Variants in CNTNAP5 observed in about 807,000 individuals in gnomAD.
CNTNAP5 encodes the protein contactin associated protein family member 5, also known as contactin-associated protein-like 5.
A neutral mutation model predicts 150.2 loss-of-function variants in CNTNAP5; 72 were observed. The ratio of observed to expected loss-of-function variants is 0.48; its 90% CI spans 0.40 to 0.58. The LOEUF (loss-of-function observed/expected upper bound fraction) is 0.58. Among genes scored for constraint, CNTNAP5 ranks in the 20% least tolerant of loss-of-function variants. The probability of loss-of-function intolerance (pLI) is 0.00; values close to 1 mark genes in which losing one functional copy is unlikely to be tolerated. For missense variants in CNTNAP5, 1,636 were observed against 1,626.2 expected (o/e 1.01, Z -0.10); for synonymous variants, 672 against 619.8 (o/e 1.08, Z -1.25).
intron 3 of CNTNAP5, among the ~76,000 whole-genome samples, chr2:124,392,546 G>T (rs894740869): frequency 6.6e-6 from 1 of 152,058 alleles, no homozygotes; most frequent in Non-Finnish European, 1.5e-5. Context: ...AAGAAGTAAA[G>T]CCATATTGAA....
At chr2:124,768,299 G>A (rs911362284) in intron 16 of CNTNAP5, among the ~76,000 whole-genome samples, 3 of 148,106 alleles carry the variant, frequency 2.0e-5, no homozygotes, top group South Asian at 2.1e-4. Context: ...GTGTGTGTGT[G>A]TGTGTGTGTG....
chr2:124,772,945 C>A lies in CNTNAP5; in HGVS notation c.2680C>A (p.Leu894Ile), dbSNP rs1255951986. 3 of 1,613,622 alleles carry A rather than the reference C, an allele frequency of 1.9e-6. No individual in the cohort carries two copies. In the African/African-American group the frequency reaches 4.0e-5, roughly 22 times the overall value. The change falls in exon 17 of 24, where the codon CTT (leucine) becomes ATT (isoleucine). Residue 894 changes from leucine (L) to isoleucine (I), a missense_variant. Leu to Ile is a conservative substitution (Grantham distance 5). Coordinates refer to ENST00000682447, the MANE Select transcript of CNTNAP5 (RefSeq NM_001367498.1). ...LKETSLQVDN[L>I]PRSTRETSEE... ...GGAGACCTCCCTGCAGGTGGACAAC[C>A]TTCCAAGGAGCACCAGGGAGACGTC...
At chr2:124,722,909 TTC>T (rs1424284501) in intron 13 of CNTNAP5, among the ~76,000 whole-genome samples, 1 of 152,164 alleles carries the variant, frequency 6.6e-6, no homozygotes, top group East Asian at 1.9e-4. Context: ...TCCTATTGTC[TTC>T]TCTCTGTCAC....
At chr2:124,284,209 A>G (rs1688088742) in intron 3 of CNTNAP5, among the ~76,000 whole-genome samples, 1 of 152,172 alleles carries the variant, frequency 6.6e-6, no homozygotes, top group Non-Finnish European at 1.5e-5. Context: ...ATAAATCAAA[A>G]CAATGTATAA....
chr2:124,869,170 T>G (rs1677693066), intron 20 of CNTNAP5, among the ~76,000 whole-genome samples: 1 of 152,176 alleles, frequency 6.6e-6, no homozygotes, highest in Non-Finnish European at 1.5e-5. Flanking sequence ...CCACATGTTT[T>G]GTCAGACTGC....
intron 11 of CNTNAP5, among the ~76,000 whole-genome samples, chr2:124,575,552 G>A (rs909607854): frequency 6.6e-6 from 1 of 151,992 alleles, no homozygotes; most frequent in African/African-American, 2.4e-5. Context: ...CAGTATTTTG[G>A]CCTTGAAGTT....
intron 16 of CNTNAP5, among the ~76,000 whole-genome samples, chr2:124,764,956 G>A (rs1681038487): frequency 1.3e-5 from 2 of 152,030 alleles, no homozygotes; most frequent in African/African-American, 4.8e-5. Flanking sequence ...AAATTTGACA[G>A]TGACTTCATA....
intron 11 of CNTNAP5, among the ~76,000 whole-genome samples, chr2:124,606,736 G>T (rs558652348): frequency 2.0e-5 from 3 of 152,300 alleles, no homozygotes; most frequent in South Asian, 4.1e-4. Flanking sequence ...AAGAGCTGGT[G>T]CAGGGAAACT....
intron 3 of CNTNAP5, among the ~76,000 whole-genome samples, chr2:124,350,717 G>A (rs898048558): frequency 4.0e-5 from 6 of 151,636 alleles, no homozygotes; most frequent in Middle Eastern, 3.2e-3. Context: ...GAAATTTATT[G>A]GAGATATAGT....
chr2:124,048,523 A>C (rs1018197060), intron 1 of CNTNAP5, among the ~76,000 whole-genome samples: 1 of 152,220 alleles, frequency 6.6e-6, no homozygotes, highest in Admixed American at 6.5e-5. Flanking sequence ...ACTTGGTTGG[A>C]GTGGTCCATT....
intron 2 of CNTNAP5, among the ~76,000 whole-genome samples, chr2:124,231,933 T>C (rs1223936415): frequency 6.6e-6 from 1 of 152,036 alleles, no homozygotes; most frequent in African/African-American, 2.4e-5. Flanking sequence ...ATCAAAAGAT[T>C]TGAACATCAC....
At chr2:124,868,638 T>C (rs573645701) in intron 20 of CNTNAP5, among the ~76,000 whole-genome samples, 3 of 152,290 alleles carry the variant, frequency 2.0e-5, no homozygotes, top group East Asian at 1.9e-4. Flanking sequence ...TATTTACTTA[T>C]CAAATTTTCT....
intron 10 of CNTNAP5, among the ~76,000 whole-genome samples, chr2:124,527,922 T>G (rs989670167): frequency 6.6e-6 from 1 of 152,070 alleles, no homozygotes; most frequent in African/African-American, 2.4e-5. Context: ...TTTGGCTGGT[T>G]TTTGCTCTTA....
chr2:124,847,085 C>T (rs978848356), intron 19 of CNTNAP5, among the ~76,000 whole-genome samples: 1 of 152,192 alleles, frequency 6.6e-6, no homozygotes, highest in African/African-American at 2.4e-5. Flanking sequence ...AAGAATGCAT[C>T]ACATGTGGCC....
At chr2:124,665,899 A>AAG in intron 13 of CNTNAP5, among the ~76,000 whole-genome samples, 1 of 151,690 alleles carries the variant, frequency 6.6e-6, no homozygotes, top group South Asian at 2.1e-4. Flanking sequence ...AAAAAAAAAA[A>AAG]TTATACATAT....
At chr2:124,576,960 A>G (rs949169722) in intron 11 of CNTNAP5, among the ~76,000 whole-genome samples, 3 of 152,180 alleles carry the variant, frequency 2.0e-5, no homozygotes, top group African/African-American at 7.2e-5. Flanking sequence ...TCTGATTTCT[A>G]TGTTTGGAAG....
intron 3 of CNTNAP5, among the ~76,000 whole-genome samples, chr2:124,329,244 A>G (rs1177709133): frequency 6.6e-6 from 1 of 152,122 alleles, no homozygotes; most frequent in Non-Finnish European, 1.5e-5. Context: ...CAGGTAATTT[A>G]TGGAAAAAAA....
At chr2:124,448,563 AT>A (rs1473606157) in intron 6 of CNTNAP5, among the ~76,000 whole-genome samples, 1 of 152,142 alleles carries the variant, frequency 6.6e-6, no homozygotes, top group Admixed American at 6.5e-5. Flanking sequence ...GTTGACATAC[AT>A]TACAAATCAG....
At chr2:124,518,762 G>A (rs1304115650) in intron 8 of CNTNAP5, among the ~76,000 whole-genome samples, 1 of 151,908 alleles carries the variant, frequency 6.6e-6, no homozygotes, top group African/African-American at 2.4e-5. Flanking sequence ...TGAGGTGGGT[G>A]GATCACTTGA....
Sources: gnomAD v4.1 joint callset for allele counts (sites outside exome capture counted in the v4.1 genomes callset) on GRCh38, gnomAD v4.1.1 for gene constraint, MANE v1.5 for transcripts, NCBI Gene and HGNC (gene_info 2026-07-23, HGNC 2026-07-21) for gene names.